Variants in RBFOX1 observed in about 807,000 individuals in gnomAD.
The protein encoded by RBFOX1 is RNA binding fox-1 homolog 1.
A neutral mutation model predicts 57.7 loss-of-function variants in RBFOX1; 8 were observed. The observed-to-expected ratio is 0.14, with a 90% CI of 0.08 to 0.25. The LOEUF (loss-of-function observed/expected upper bound fraction) is 0.25. Ranked by LOEUF, RBFOX1 falls within the 10% of genes least tolerant of loss-of-function variation. The pLI, the probability that RBFOX1 is intolerant of heterozygous loss-of-function variation, is 1.00. For missense variants in RBFOX1, 611 were observed against 548.5 expected (o/e 1.11, Z -1.14); for synonymous variants, 326 against 222.4 (o/e 1.47, Z -4.15).
At position 5,607,697 on chromosome 16, in the gene RBFOX1, C is replaced by T. The variant is rs187723276; in HGVS notation, c.318+8736C>T. Among the ~76,000 whole-genome samples the T allele has an allele frequency of 2.0e-4, 31 of 152,332 alleles. No homozygotes were observed. The East Asian group carries it at 6.0e-3, about 29-fold the overall frequency. ...TGTCCCAGAAGGCTCCCTCATACTT[C>T]TCTCTGTCGACACTACCTGCCCCAA... On this transcript the variant is annotated intron_variant, in intron 3 of 19. Coordinates refer to the RBFOX1 transcript ENST00000641259.
chr16:6,158,899 G>A (rs1437704988), intron 1 of RBFOX1, among the ~76,000 whole-genome samples: 1 of 129,700 alleles, frequency 7.7e-6, no homozygotes, highest in Non-Finnish European at 1.6e-5. Flanking sequence ...AAATTTCTCT[G>A]TCATAGGTTT....
chr16:6,403,937 G>A (rs925139118), intron 2 of RBFOX1, among the ~76,000 whole-genome samples: 2 of 152,142 alleles, frequency 1.3e-5, no homozygotes, highest in African/African-American at 4.8e-5. Context: ...ACAGTAGGAA[G>A]GTGGCTGTCT....
intron 4 of RBFOX1, among the ~76,000 whole-genome samples, chr16:5,908,135 C>T (rs894750557): frequency 4.6e-5 from 6 of 131,374 alleles, no homozygotes; most frequent in African/African-American, 2.3e-4. Context: ...TATATATATA[C>T]ACATATATAC....
chr16:5,640,133 G>A (rs975652438), intron 3 of RBFOX1, among the ~76,000 whole-genome samples: 25 of 152,236 alleles, frequency 1.6e-4, no homozygotes, highest in African/African-American at 4.6e-4. Flanking sequence ...AGAAGTGGCC[G>A]CTTACCCAGG....
At chr16:5,356,892 A>T (rs535740287) in intron 1 of RBFOX1, among the ~76,000 whole-genome samples, 1 of 152,352 alleles carries the variant, frequency 6.6e-6, no homozygotes, top group South Asian at 2.1e-4. Flanking sequence ...GCTAATAGTC[A>T]CTGGGTGCTT....
chr16:6,721,679 T>TCA (rs2066020033), intron 3 of RBFOX1: 1 of 152,212 alleles, frequency 6.6e-6, no homozygotes, highest in Non-Finnish European at 1.5e-5. Flanking sequence ...ATGAGTAGAA[T>TCA]CACACAGCGT....
At chr16:6,411,854 C>A (rs1368300170) in intron 2 of RBFOX1, among the ~76,000 whole-genome samples, 2 of 151,850 alleles carry the variant, frequency 1.3e-5, no homozygotes, top group Non-Finnish European at 2.9e-5. Context: ...TGGCCCTTGG[C>A]CAGGTGTGGT....
At chr16:6,016,037 G>T (rs1302442457), upstream of RBFOX1, among the ~76,000 whole-genome samples, 1 of 152,190 alleles carries the variant, frequency 6.6e-6, no homozygotes, top group African/African-American at 2.4e-5. Context: ...AAAGTGGTTA[G>T]CCCATTTAGA....
At chr16:7,214,674 C>T (rs1415368370) in intron 4 of RBFOX1, among the ~76,000 whole-genome samples, 1 of 152,090 alleles carries the variant, frequency 6.6e-6, no homozygotes, top group Non-Finnish European at 1.5e-5. Flanking sequence ...GAGCCCTGCA[C>T]ATAAAATCCA....
chr16:7,129,055 G>A (rs1202849944), intron 4 of RBFOX1, among the ~76,000 whole-genome samples: 4 of 151,806 alleles, frequency 2.6e-5, no homozygotes, highest in Admixed American at 1.3e-4. Flanking sequence ...CCTTAACCTC[G>A]TGATCCGCCC....
chr16:7,596,941 C>T (rs2094732389), intron 8 of RBFOX1, among the ~76,000 whole-genome samples: 1 of 152,124 alleles, frequency 6.6e-6, no homozygotes, highest in Non-Finnish European at 1.5e-5. Flanking sequence ...CTTGTTTGTC[C>T]CTTTTTTTGA....
chr16:6,824,300 G>A (rs2091807164), intron 3 of RBFOX1, among the ~76,000 whole-genome samples: 1 of 152,164 alleles, frequency 6.6e-6, no homozygotes, highest in East Asian at 1.9e-4. Context: ...GGCTACTCAT[G>A]GAGGCTGCGG....
intron 1 of RBFOX1, among the ~76,000 whole-genome samples, chr16:6,050,938 G>A (rs1285310294): frequency 1.3e-5 from 2 of 149,100 alleles, no homozygotes; most frequent in African/African-American, 5.0e-5. Context: ...CCTTCCTCAA[G>A]TTTCTGCAGA....
intron 3 of RBFOX1, among the ~76,000 whole-genome samples, chr16:6,720,302 C>A (rs956642939): frequency 2.0e-5 from 3 of 152,082 alleles, no homozygotes; most frequent in African/African-American, 7.2e-5. Context: ...GTTTCTGCTA[C>A]GTAAGACATG....
At position 6,506,396 on chromosome 16, in the gene RBFOX1, C is replaced by A. The variant is rs571399077; in HGVS notation, c.-63-148207C>A. On this transcript the variant is annotated intron_variant, in intron 2 of 15. Transcript: ENST00000550418. ...AAAACAGCTTGGGTGAAGGCAGAACCAGGGTGGAAAAGGCTTAGTTGGAGA... is the reference window on the plus strand; with the variant it reads ...AAAACAGCTTGGGTGAAGGCAGAACAAGGGTGGAAAAGGCTTAGTTGGAGA... Among the ~76,000 whole-genome samples, 4 of 152,050 alleles carry A rather than the reference C, an allele frequency of 2.6e-5. No individual in the cohort carries two copies. The East Asian group carries it at 5.8e-4, about 22-fold the overall frequency.
At chr16:5,310,535 G>A (rs188027653) in intron 1 of RBFOX1, among the ~76,000 whole-genome samples, 200 of 152,346 alleles carry the variant, frequency 1.3e-3, no homozygotes, top group Non-Finnish European at 2.2e-3. Flanking sequence ...ATATGGAGGA[G>A]GGGGTGATAA....
intron 3 of RBFOX1, among the ~76,000 whole-genome samples, chr16:5,818,901 A>G (rs1253557370): frequency 6.6e-6 from 1 of 152,110 alleles, no homozygotes; most frequent in Non-Finnish European, 1.5e-5. Context: ...CACCCACCAA[A>G]TACATCACCT....
chr16:6,856,638 C>G (rs1335050155), intron 3 of RBFOX1, among the ~76,000 whole-genome samples: 2 of 152,142 alleles, frequency 1.3e-5, no homozygotes, highest in Non-Finnish European at 2.9e-5. Context: ...TAAACCACCT[C>G]TTGTGCAGGA....
chr16:5,817,683 G>C (rs892713207), intron 3 of RBFOX1, among the ~76,000 whole-genome samples: 14 of 146,160 alleles, frequency 9.6e-5, no homozygotes, highest in African/African-American at 3.0e-4. Context: ...CTGCAGTGAT[G>C]GGTCTTGTGG....
Sources: allele counts gnomAD v4.1 joint callset (sites outside exome capture counted in the v4.1 genomes callset), GRCh38; gene constraint gnomAD v4.1.1; transcripts MANE v1.5; gene names NCBI Gene and HGNC (gene_info 2026-07-23, HGNC 2026-07-21).